The following OR2L13 variants were observed in gnomAD, a reference collection of about 807,000 sequenced individuals.
The protein encoded by OR2L13 is olfactory receptor 2L13.
OR2L13 carries 14 observed loss-of-function variants against 15.3 expected under a neutral mutation model. The observed-to-expected ratio is 0.91, with a 90% confidence interval of 0.60 to 1.43. OR2L13 has a LOEUF of 1.43. Ranked by LOEUF, OR2L13 falls within the 40% of genes most tolerant of loss-of-function variation. The pLI, the probability that OR2L13 is intolerant of heterozygous loss-of-function variation, is 0.00. For synonymous variants in OR2L13, 152 were observed against 142.9 expected, an observed-to-expected ratio of 1.06 and a Z score of -0.45; for missense variants, 367 against 387.9, an observed-to-expected ratio of 0.95 and a Z score of 0.45.
chr1:248,077,574 G>A, the OR2L13 span, among the ~76,000 whole-genome samples: 1 of 152,264 alleles, frequency 6.6e-6, no homozygotes, highest in East Asian at 1.9e-4. Flanking sequence ...TCTTGGTAGA[G>A]TCTATGTGTC....
At chr1:247,990,062 G>A in the OR2L13 span, among the ~76,000 whole-genome samples, 265 of 152,024 alleles carry the variant, frequency 1.7e-3, 1 homozygote, top group African/African-American at 1.7e-3. Context: ...AGTTATTTTT[G>A]TTAATCTCTT....
At chr1:247,983,361 A>T in the OR2L13 span, among the ~76,000 whole-genome samples, 2 of 152,120 alleles carry the variant, frequency 1.3e-5, no homozygotes, top group Non-Finnish European at 2.9e-5. Context: ...TTTCCTACTC[A>T]CTATGAAACC....
At chr1:248,061,997 G>T in the OR2L13 span, 1 of 166,874 alleles carries the variant, frequency 6.0e-6, no homozygotes, top group Non-Finnish European at 1.3e-5. Context: ...TTTTGTTTAT[G>T]TCTAAAACAA....
the OR2L13 span, among the ~76,000 whole-genome samples, chr1:247,984,706 T>G: frequency 6.6e-6 from 1 of 152,216 alleles, no homozygotes. Context: ...TTCAGTACAT[T>G]TTAATGTTTT....
At chr1:247,987,315 A>C in the OR2L13 span, among the ~76,000 whole-genome samples, 1 of 152,186 alleles carries the variant, frequency 6.6e-6, no homozygotes, top group Non-Finnish European at 1.5e-5. Flanking sequence ...GTCATATGCA[A>C]ATAGAAATTA....
At chr1:247,990,253 C>A in the OR2L13 span, 1 of 820,434 alleles carries the variant, frequency 1.2e-6, no homozygotes, top group Non-Finnish European at 2.1e-6. Context: ...CAGGAAGGAT[C>A]ATATGAATGC....
At chr1:248,055,585 A>G in the OR2L13 span, among the ~76,000 whole-genome samples, 2 of 152,094 alleles carry the variant, frequency 1.3e-5, no homozygotes, top group Non-Finnish European at 2.9e-5. Context: ...GTGAAACCCT[A>G]TCTCTACTAA....
the OR2L13 span, among the ~76,000 whole-genome samples, chr1:248,010,616 G>A: frequency 6.6e-6 from 1 of 151,912 alleles, no homozygotes; most frequent in Admixed American, 6.6e-5. Context: ...CTCCTGTATT[G>A]GGTGCATATA....
the OR2L13 span, among the ~76,000 whole-genome samples, chr1:248,056,505 C>T: frequency 6.6e-6 from 1 of 151,944 alleles, no homozygotes; most frequent in Non-Finnish European, 1.5e-5. Flanking sequence ...AATAAATGTC[C>T]CTCTTAACAC....
At chr1:248,072,176 C>T in the OR2L13 span, among the ~76,000 whole-genome samples, 1 of 152,026 alleles carries the variant, frequency 6.6e-6, no homozygotes, top group Non-Finnish European at 1.5e-5. Context: ...CCAACTCAAT[C>T]CTAAGCCAAA....
At chr1:247,999,022 A>G in the OR2L13 span, among the ~76,000 whole-genome samples, 1 of 152,122 alleles carries the variant, frequency 6.6e-6, no homozygotes, top group African/African-American at 2.4e-5. Flanking sequence ...GGCAAGGGTA[A>G]TGAGGAAAAT....
At chr1:247,948,709 A>G in the OR2L13 span, 1 of 624,376 alleles carries the variant, frequency 1.6e-6, no homozygotes, top group Admixed American at 3.1e-5. Context: ...TGTATAGACA[A>G]AAATAATAGT....
At chr1:248,039,772 A>C in the OR2L13 span, 1 of 152,344 alleles carries the variant, frequency 6.6e-6, no homozygotes, top group Middle Eastern at 3.4e-3. Context: ...AAATTAGTTA[A>C]AATTACTGAA....
At chr1:248,056,062 G>T in the OR2L13 span, 2 of 152,178 alleles carry the variant, frequency 1.3e-5, no homozygotes, top group East Asian at 1.9e-4. Context: ...TTGCATAGAG[G>T]TGCTTTTAGT....
At chr1:247,995,688 G>A in the OR2L13 span, among the ~76,000 whole-genome samples, 24 of 152,102 alleles carry the variant, frequency 1.6e-4, no homozygotes, top group African/African-American at 4.1e-4. Flanking sequence ...AATATTCATC[G>A]GAATGATTTA....
chr1:248,008,797 C>T, the OR2L13 span, among the ~76,000 whole-genome samples: 1 of 152,156 alleles, frequency 6.6e-6, no homozygotes, highest in Admixed American at 6.5e-5. Context: ...TTCAAACACT[C>T]CTCAGCAAAT....
At chr1:247,976,181 C>T in the OR2L13 span, among the ~76,000 whole-genome samples, 1 of 152,094 alleles carries the variant, frequency 6.6e-6, no homozygotes, top group Non-Finnish European at 1.5e-5. Flanking sequence ...AGTTTCTTTA[C>T]AAGAGATTCT....
At chr1:247,938,253 A>G in the OR2L13 span, among the ~76,000 whole-genome samples, 1 of 152,166 alleles carries the variant, frequency 6.6e-6, no homozygotes, top group South Asian at 2.1e-4. Flanking sequence ...TACTAATATA[A>G]TGATATATAA....
exon 3 of OR2L13, chr1:248,100,115 T>C (rs762559991): frequency 1.2e-6 from 2 of 1,614,154 alleles, no homozygotes; most frequent in Non-Finnish European, 1.7e-6. Context: ...TTAACTGTAG[T>C]GATCTTTTAC....
Sources: allele counts gnomAD v4.1 joint callset (sites outside exome capture counted in the v4.1 genomes callset), GRCh38; gene constraint gnomAD v4.1.1; transcripts MANE v1.5; gene names NCBI Gene and HGNC (gene_info 2026-07-23, HGNC 2026-07-21).